The following PTER variants were observed in gnomAD, a reference collection of about 807,000 sequenced individuals.
PTER encodes phosphotriesterase related.
Under a neutral mutation model 29.6 loss-of-function variants are expected in PTER, and 38 were observed. That is an observed-to-expected ratio of 1.28 (90% CI 0.99 to 1.68). The LOEUF (loss-of-function observed/expected upper bound fraction) is 1.68. PTER is among the 40% of genes most tolerant of loss of function. The probability of loss-of-function intolerance (pLI) is 0.00; values close to 1 mark genes in which losing one functional copy is unlikely to be tolerated. For missense variants in PTER, 482 were observed against 427.8 expected, an observed-to-expected ratio of 1.13 and a Z score of -1.12; for synonymous variants, 172 against 154.5, an observed-to-expected ratio of 1.11 and a Z score of -0.84.
At chr10:16,469,052 A>G (rs1249524977) in intron 1 of PTER, among the ~76,000 whole-genome samples, 2 of 152,168 alleles carry the variant, frequency 1.3e-5, no homozygotes, top group African/African-American at 4.8e-5. Context: ...GAGAGTACCT[A>G]GAATTGACAT....
At chr10:16,450,860 C>T (rs956031631) in intron 1 of PTER, among the ~76,000 whole-genome samples, 28 of 152,206 alleles carry the variant, frequency 1.8e-4, no homozygotes, top group Non-Finnish European at 3.8e-4. Flanking sequence ...CCCCTTGCCC[C>T]TCATGAGTGG....
At position 16,511,190 on chromosome 10, in the gene PTER, C is replaced by A; in HGVS notation, c.984C>A (p.Gly328=). 1 of 1,614,042 alleles carries A rather than the reference C, an allele frequency of 6.2e-7. No homozygotes were observed. The highest frequency in any genetic ancestry group is 8.5e-7 in the Non-Finnish European group (1 of 1,179,958). The change falls in exon 5 of 5, where the codon GGC becomes GGA. Residue 328 remains glycine (G), a synonymous_variant. Transcript: ENST00000535784. ...TTGTTCCTAAAATGTTGCTGAGAGGCATAACTGAGAATGTGCTTGATAAGA... is the reference window on the plus strand; with the variant it reads ...TTGTTCCTAAAATGTTGCTGAGAGGAATAACTGAGAATGTGCTTGATAAGA... The part of the protein sequence containing the change: ...TNVVPKMLLR[G]ITENVLDKIL...
At chr10:16,445,476 T>G (rs1221297112) in intron 1 of PTER, among the ~76,000 whole-genome samples, 1 of 152,200 alleles carries the variant, frequency 6.6e-6, no homozygotes, top group Non-Finnish European at 1.5e-5. Context: ...AAGAGTATCT[T>G]TCCTAGTTTT....
intron 2 of PTER, 86 bp from the exon 3 acceptor site, chr10:16,486,266 T>G (rs1835689748): frequency 7.5e-7 from 1 of 1,336,162 alleles, no homozygotes; most frequent in African/African-American, 1.5e-5. Flanking sequence ...AATGACAAAA[T>G]AAATAAATTC....
chr10:16,479,863 C>T (rs1835412512), intron 1 of PTER, among the ~76,000 whole-genome samples: 2 of 151,628 alleles, frequency 1.3e-5, no homozygotes, highest in African/African-American at 2.4e-5. Flanking sequence ...CTGCCAGGCT[C>T]TTCACTTCAT....
Position 16,456,861 on chromosome 10 carries a change from G to GC in PTER, c.-49+19814_-49+19815insC, listed in dbSNP as rs1564388335. 3.4e-5 allele frequency among the ~76,000 whole-genome samples: 4 copies of GC among 115,956 alleles called. 1 individual carries two copies. The highest frequency in any genetic ancestry group is 1.6e-4 in the African/African-American group (4 of 25,204). The allele number at this position is 115,956 out of a possible 152,430, so 76.1% of individuals were successfully genotyped here. ...GGGAGGTAACTGAACCATGGGGAAGGTGGGGGGGGGTTCCGCCATGCTGTT... is the reference window on the plus strand; with the variant it reads ...GGGAGGTAACTGAACCATGGGGAAGGCTGGGGGGGGGTTCCGCCATGCTGTT... On this transcript the variant is annotated intron_variant, in intron 1 of 4. Coordinates refer to ENST00000535784, the MANE Select transcript of PTER (RefSeq NM_001261836.2).
chr10:16,478,207 A>G (rs1396966541), intron 1 of PTER, among the ~76,000 whole-genome samples: 1 of 152,220 alleles, frequency 6.6e-6, no homozygotes. Flanking sequence ...AGTTATTCCG[A>G]CAGTGTCTTG....
intron 1 of PTER, among the ~76,000 whole-genome samples, chr10:16,481,716 C>T (rs1835487061): frequency 6.6e-6 from 1 of 152,134 alleles, no homozygotes; most frequent in Non-Finnish European, 1.5e-5. Context: ...TTCAAATATG[C>T]ATCAATTGAA....
intron 1 of PTER, 43 bp from the exon 2 acceptor site, chr10:16,484,294 A>T: frequency 7.8e-7 from 1 of 1,289,092 alleles, no homozygotes; most frequent in Non-Finnish European, 1.1e-6. Flanking sequence ...TGTGTGTGTT[A>T]AATATTCTGA....
At chr10:16,501,580 C>T (rs1452569940) in intron 3 of PTER, among the ~76,000 whole-genome samples, 1 of 152,144 alleles carries the variant, frequency 6.6e-6, no homozygotes, top group Admixed American at 6.5e-5. Context: ...TCACTTTCTT[C>T]CCCCCATACT....
chr10:16,446,020 G>A (rs1256493458), intron 1 of PTER, among the ~76,000 whole-genome samples: 5 of 152,140 alleles, frequency 3.3e-5, no homozygotes, highest in Admixed American at 2.6e-4. Flanking sequence ...TTAGTAAAGT[G>A]CATCTTCAAG....
At chr10:16,508,013 A>T (rs1335833982) in intron 4 of PTER, among the ~76,000 whole-genome samples, 3 of 148,584 alleles carry the variant, frequency 2.0e-5, no homozygotes, top group Non-Finnish European at 4.5e-5. Context: ...CAAAAACATG[A>T]TTTCCTGATC....
intron 3 of PTER, among the ~76,000 whole-genome samples, chr10:16,489,577 A>G (rs1427904521): frequency 6.9e-6 from 1 of 145,146 alleles, no homozygotes; most frequent in Non-Finnish European, 1.5e-5. Flanking sequence ...TTTATTTTTT[A>G]TTTCTGGTAG....
At chr10:16,443,215 G>A (rs574584972) in intron 1 of PTER, among the ~76,000 whole-genome samples, 2 of 152,206 alleles carry the variant, frequency 1.3e-5, no homozygotes, top group East Asian at 3.9e-4. Context: ...CTCTCTCTTT[G>A]GCTTGTGGAT....
chr10:16,477,508 G>A (rs1456367373), intron 1 of PTER, among the ~76,000 whole-genome samples: 1 of 152,150 alleles, frequency 6.6e-6, no homozygotes, highest in African/African-American at 2.4e-5. Flanking sequence ...CATTGTGCAA[G>A]TATAGCTTTC....
rs745931146 is a variant in PTER at position 16,484,579 on chromosome 10, T to C, written c.195T>C (p.Tyr65=). The C allele has an allele frequency of 2.5e-6, 4 of 1,614,046 alleles. No homozygotes were observed. The highest frequency in any genetic ancestry group is 3.4e-6 in the Non-Finnish European group (4 of 1,179,994). ...KNLYWIQKNA[Y]SHKENLQLNQ... ...TATATTGGATTCAGAAAAACGCCTA[T>C]TCCCATAAAGAAAACCTTCAATTAA... The change falls in exon 2 of 5, where the codon TAT becomes TAC. Residue 65 remains tyrosine, a synonymous_variant. Transcript: ENST00000535784.
chr10:16,443,087 C>A (rs930872955), intron 1 of PTER, among the ~76,000 whole-genome samples: 1 of 152,176 alleles, frequency 6.6e-6, no homozygotes, highest in African/African-American at 2.4e-5. Context: ...CTTCCTAGGG[C>A]TGCCATCACA....
intron 1 of PTER, among the ~76,000 whole-genome samples, chr10:16,446,344 G>T (rs995649528): frequency 2.0e-5 from 3 of 151,668 alleles, no homozygotes; most frequent in Non-Finnish European, 4.4e-5. Flanking sequence ...TCAGCTTCTT[G>T]AGTAGCTGAG....
intron 1 of PTER, among the ~76,000 whole-genome samples, chr10:16,451,320 A>C (rs1233368185): frequency 2.0e-5 from 3 of 152,230 alleles, no homozygotes; most frequent in Non-Finnish European, 2.9e-5. Context: ...AATCTTTGCC[A>C]ACACCCTCAC....
Sources: allele counts gnomAD v4.1 joint callset (sites outside exome capture counted in the v4.1 genomes callset), GRCh38; gene constraint gnomAD v4.1.1; transcripts MANE v1.5; gene names NCBI Gene and HGNC (gene_info 2026-07-23, HGNC 2026-07-21).